Variants in HAO2 observed in about 807,000 individuals in gnomAD.
HAO2 encodes the protein 2-Hydroxyacid oxidase 2.
HAO2 carries 42 observed loss-of-function variants against 37.4 expected under a neutral mutation model. That is an observed-to-expected ratio of 1.12 (90% CI 0.88 to 1.45). The LOEUF is 1.45. HAO2 is among the 40% of genes most tolerant of loss of function. HAO2 has a pLI of 0.00. For missense variants in HAO2, 476 were observed against 430.2 expected (o/e 1.11, Z -0.94); for synonymous variants, 180 against 162.8 (o/e 1.11, Z -0.81).
chr1:119,378,391 A>C (rs1471474642), intron 1 of HAO2, among the ~76,000 whole-genome samples: 1 of 152,222 alleles, frequency 6.6e-6, no homozygotes, highest in Non-Finnish European at 1.5e-5. Context: ...TAATTCAAGA[A>C]GATATTTGGG....
chr1:119,392,005 G>T (rs2101286708), intron 5 of HAO2, 105 bp from the exon 6 acceptor site: 2 of 977,276 alleles, frequency 2.0e-6, no homozygotes, highest in Non-Finnish European at 3.1e-6. Flanking sequence ...GGAAGAAATT[G>T]TCAAGGGCGT....
intron 1 of HAO2, chr1:119,380,527 A>G (rs1182020577): frequency 3.3e-6 from 2 of 600,262 alleles, no homozygotes; most frequent in Non-Finnish European, 6.0e-6. Flanking sequence ...AAACATTGAG[A>G]TTCCTGGGAA....
rs912180693 is a variant in HAO2 at position 119,379,260 on chromosome 1, C to G, written c.-8-1818C>G. Among the ~76,000 whole-genome samples the G allele has an allele frequency of 1.1e-4, 16 of 152,098 alleles. No individual in the cohort carries two copies. The East Asian group carries it at 3.1e-3, about 29-fold the overall frequency. ...TGGTCACCCTCTGCCTAGCCCATAC[C>G]AAAATTCTAGAGTCCCAGAGGAGAA... On this transcript the variant is annotated intron_variant, in intron 1 of 7. Coordinates refer to ENST00000325945, the MANE Select transcript of HAO2 (RefSeq NM_016527.4).
At chr1:119,377,462 G>A (rs1199787420) in intron 1 of HAO2, among the ~76,000 whole-genome samples, 1 of 152,114 alleles carries the variant, frequency 6.6e-6, no homozygotes. Flanking sequence ...ACATCTTCCT[G>A]TCTTCTTCTA....
intron 5 of HAO2, among the ~76,000 whole-genome samples, chr1:119,390,105 T>C (rs1650756238): frequency 6.6e-6 from 1 of 152,166 alleles, no homozygotes; most frequent in Non-Finnish European, 1.5e-5. Context: ...TGTAAGTATT[T>C]GGATTTATTT....
intron 5 of HAO2, among the ~76,000 whole-genome samples, chr1:119,388,990 A>G (rs1650605816): frequency 6.7e-6 from 1 of 149,360 alleles, no homozygotes; most frequent in Admixed American, 6.7e-5. Context: ...GCATCCTCAT[A>G]GCTTAGCTCC....
At chr1:119,381,783 T>C (rs930650169) in intron 2 of HAO2, among the ~76,000 whole-genome samples, 9 of 152,224 alleles carry the variant, frequency 5.9e-5, no homozygotes, top group African/African-American at 2.2e-4. Context: ...TGGTTTTTCA[T>C]TTTTGAATGG....
chr1:119,369,884 C>T (rs753464507), intron 1 of HAO2, among the ~76,000 whole-genome samples: 1 of 151,968 alleles, frequency 6.6e-6, no homozygotes, highest in African/African-American at 2.4e-5. Flanking sequence ...ATAAAGGTCC[C>T]CCCCCATATC....
chr1:119,393,756 A>G, intron 7 of HAO2, 29 bp from the exon 8 acceptor site: 1 of 1,609,194 alleles, frequency 6.2e-7, no homozygotes, highest in Non-Finnish European at 8.5e-7. Flanking sequence ...TTTGACAAAA[A>G]TGAGCTTGTA....
intron 2 of HAO2, among the ~76,000 whole-genome samples, chr1:119,382,413 A>G (rs17023517): frequency 6.6e-6 from 1 of 152,166 alleles, no homozygotes; most frequent in East Asian, 1.9e-4. Flanking sequence ...CAAATCTTCA[A>G]ACTAACTAGC....
intron 3 of HAO2, among the ~76,000 whole-genome samples, chr1:119,383,633 T>TCCA (rs200619344): frequency 3.0e-4 from 45 of 151,646 alleles, no homozygotes; most frequent in East Asian, 7.7e-4. Context: ...TCCCACATTC[T>TCCA]CCACCACCAC....
intron 1 of HAO2, chr1:119,370,040 TTCCAAATGGCGTTTTGGGAA>T (rs1234699728): frequency 1.3e-5 from 2 of 152,234 alleles, no homozygotes; most frequent in African/African-American, 4.8e-5. Context: ...GGCTACCCTT[TTCCAAATGGCGTTTTGGGAA>T]TCCAAGTGGC....
chr1:119,376,162 T>C (rs1195733467), intron 1 of HAO2, among the ~76,000 whole-genome samples: 1 of 152,194 alleles, frequency 6.6e-6, no homozygotes, highest in African/African-American at 2.4e-5. Context: ...GCAAGTTAGT[T>C]ACTTCCTAGA....
Position 119,393,771 on chromosome 1 carries a change from C to T in HAO2, c.1001-14C>T, listed in dbSNP as rs1651099862. Reference sequence around the variant, plus strand: ...TTTGACAAAAATGAGCTTGTAACCACATTGTTCTTTTAGGCTGCCGGTCGG... The same window carrying T: ...TTTGACAAAAATGAGCTTGTAACCATATTGTTCTTTTAGGCTGCCGGTCGG... On this transcript the variant is annotated splice_polypyrimidine_tract_variant and intron_variant, in intron 7 of 7. Transcript: ENST00000325945. 1 of 1,612,364 alleles carries T rather than the reference C, an allele frequency of 6.2e-7. No individual in the cohort carries two copies. Among genetic ancestry groups the T allele is most frequent in the South Asian group, 1.1e-5 (1 of 91,044 alleles).
chr1:119,369,238 C>A (rs1023932659), intron 1 of HAO2, among the ~76,000 whole-genome samples: 5 of 152,160 alleles, frequency 3.3e-5, no homozygotes, highest in African/African-American at 1.2e-4. Context: ...ATTGCTATTG[C>A]CTTCAGGGAT....
chr1:119,379,286 G>A (rs1394992325), intron 1 of HAO2, among the ~76,000 whole-genome samples: 1 of 152,130 alleles, frequency 6.6e-6, no homozygotes, highest in African/African-American at 2.4e-5. Context: ...CAGAGGAGAA[G>A]CAAATGTTCA....
In HAO2 at chr1:119,393,890, C is replaced by T; in HGVS notation, c.*50C>T. 1 of 1,611,630 alleles carries T rather than the reference C, an allele frequency of 6.2e-7. No homozygotes were observed. The highest frequency in any genetic ancestry group is 8.5e-7 in the Non-Finnish European group (1 of 1,178,222). On this transcript the variant is annotated 3_prime_UTR_variant, in exon 8 of 8. Coordinates refer to ENST00000325945, the MANE Select transcript of HAO2 (RefSeq NM_016527.4). ...GCTGAGGTTGCCCACAGGAGGATCA[C>T]AAACTCACAGCACAGTGTGTGATGC...
At chr1:119,369,769 C>T (rs760479905) in intron 1 of HAO2, among the ~76,000 whole-genome samples, 11 of 152,102 alleles carry the variant, frequency 7.2e-5, no homozygotes, top group Non-Finnish European at 4.4e-5. Flanking sequence ...ACTCTCCCCT[C>T]AAAGGGACTC....
chr1:119,388,000 G>T (rs964247642), intron 5 of HAO2, among the ~76,000 whole-genome samples: 3 of 152,182 alleles, frequency 2.0e-5, no homozygotes, highest in African/African-American at 7.2e-5. Flanking sequence ...GCAAGCCCAC[G>T]TGGAGAGCAG....
Sources: allele counts gnomAD v4.1 joint callset (sites outside exome capture counted in the v4.1 genomes callset), GRCh38; gene constraint gnomAD v4.1.1; transcripts MANE v1.5; gene names NCBI Gene and HGNC (gene_info 2026-07-23, HGNC 2026-07-21).